The following CGNL1 variants were observed in gnomAD, a reference collection of about 807,000 sequenced individuals.
CGNL1 encodes cingulin like 1.
In CGNL1, 132 loss-of-function variants were observed where a neutral mutation model predicts 141.2. The ratio of observed to expected loss-of-function variants is 0.93; its 90% CI spans 0.81 to 1.08. The LOEUF (loss-of-function observed/expected upper bound fraction) is 1.08. Among genes scored for constraint, CGNL1 ranks in the 50% least tolerant of loss-of-function variants. CGNL1 has a pLI of 0.00. For missense variants in CGNL1, 1,870 were observed against 1,588.6 expected (o/e 1.18, Z -3.01); for synonymous variants, 690 against 622.1 (o/e 1.11, Z -1.63).
chr15:57,501,562 G>A (rs893437140), intron 8 of CGNL1, among the ~76,000 whole-genome samples: 6 of 152,226 alleles, frequency 3.9e-5, no homozygotes, highest in Non-Finnish European at 8.8e-5. Context: ...GCTGAGAGGT[G>A]GAGACGGGGT....
At chr15:57,472,887 G>A (rs1244432956) in intron 8 of CGNL1, among the ~76,000 whole-genome samples, 1 of 152,198 alleles carries the variant, frequency 6.6e-6, no homozygotes, top group African/African-American at 2.4e-5. Context: ...TTTATAATGG[G>A]TCAGCGGTGG....
At chr15:57,467,453 G>A (rs1266101676) in intron 8 of CGNL1, among the ~76,000 whole-genome samples, 1 of 152,104 alleles carries the variant, frequency 6.6e-6, no homozygotes, top group Non-Finnish European at 1.5e-5. Flanking sequence ...TGTCTGGGCT[G>A]GGCTTTGTGG....
In CGNL1 at chr15:57,439,357, G is replaced by A. The variant is rs774237699; in HGVS notation, c.1358G>A (p.Gly453Glu). Reference protein sequence around the residue: ...TFAKLQGAAHGASCAHSRPPQ... With the variant: ...TFAKLQGAAHEASCAHSRPPQ... ...GCAAAGCTGCAGGGAGCAGCGCACG[G>A]GGCTTCATGTGCCCACTCCAGGCCT... Residue 453 changes from glycine to glutamate, a missense_variant, in exon 2 of 19, where the codon GGG (glycine) becomes GAG (glutamate). Gly to Glu is a moderately conservative substitution (Grantham distance 98). Transcript: ENST00000281282. The A allele has an allele frequency of 1.9e-6, 3 of 1,614,008 alleles. No individual in the cohort carries two copies. Among genetic ancestry groups the A allele is most frequent in the East Asian group, 2.2e-5 (1 of 44,884 alleles).
At position 57,446,496 on chromosome 15, in the gene CGNL1, C is replaced by T. The variant is rs191975167; in HGVS notation, c.1803+4018C>T. 4.1e-4 allele frequency among the ~76,000 whole-genome samples: 63 copies of T among 151,920 alleles called. 1 individual carries two copies. Among genetic ancestry groups the T allele is most frequent in the African/African-American group, 1.3e-3 (52 of 41,414 alleles). The stretch of plus-strand genomic sequence containing the variant: ...ATTATAATAAGTATTCTCGTGTGTC[C>T]GGCTTCATTTCCTCAACATTATATC... On this transcript the variant is annotated intron_variant, in intron 4 of 18. Coordinates refer to ENST00000281282, the MANE Select transcript of CGNL1 (RefSeq NM_032866.5).
chr15:57,529,559 AACACACACACAC>A (rs10593466), intron 13 of CGNL1, among the ~76,000 whole-genome samples: 42,419 of 137,898 alleles, frequency 0.31, 7,373 homozygotes, highest in Non-Finnish European at 0.4. Flanking sequence ...AACCCCCAGA[AACACACACACAC>A]ACACACACAC....
chr15:57,540,340 A>AGGTGAATGAGAATGGCTGAAGGTGAAG (rs1174132786), intron 14 of CGNL1, among the ~76,000 whole-genome samples: 26 of 152,240 alleles, frequency 1.7e-4, no homozygotes, highest in Non-Finnish European at 3.2e-4. Flanking sequence ...GTGAATGAGA[A>AGGTGAATGAGAATGGCTGAAGGTGAAG]GCACAGTCAT....
At chr15:57,430,782 C>G (rs1360243452) in intron 1 of CGNL1, among the ~76,000 whole-genome samples, 10 of 152,154 alleles carry the variant, frequency 6.6e-5, no homozygotes, top group African/African-American at 2.4e-4. Context: ...TGCAGTGGTG[C>G]AATCTTGGCT....
At position 57,550,622 on chromosome 15, in the gene CGNL1, T is replaced by C. The variant is rs909443689; in HGVS notation, c.*3132T>C. ...TATGGTTTGGTCGCTTTGGTTGTCA[T>C]GAGAAAGAGACATTCTCCTTGCAGC... On this transcript the variant is annotated 3_prime_UTR_variant, in exon 19 of 19. Coordinates refer to ENST00000281282, the MANE Select transcript of CGNL1 (RefSeq NM_032866.5). The C allele has an allele frequency of 3.3e-5, 5 of 152,660 alleles. No homozygotes were observed. Among genetic ancestry groups the C allele is most frequent in the African/African-American group, 9.6e-5 (4 of 41,466 alleles). 9.5% of individuals were successfully genotyped at this position (152,660 alleles called of 1,614,324 possible). A position where few individuals can be genotyped will look rare whatever the true frequency, so the allele number is the denominator to read the frequency against.
chr15:57,442,938 G>T (rs2063208176), intron 4 of CGNL1, among the ~76,000 whole-genome samples: 1 of 152,126 alleles, frequency 6.6e-6, no homozygotes, highest in African/African-American at 2.4e-5. Context: ...CTTTTTTCCA[G>T]AAAAGTTTAA....
intron 1 of CGNL1, among the ~76,000 whole-genome samples, chr15:57,414,855 C>T (rs1303400104): frequency 6.6e-6 from 1 of 152,174 alleles, no homozygotes; most frequent in African/African-American, 2.4e-5. Context: ...CTGTTTGGCT[C>T]CTGAACTCTC....
chr15:57,545,661 G>A lies in CGNL1; in HGVS notation c.3570G>A (p.Val1190=). The change falls in exon 17 of 19, where the codon GTG becomes GTA. Residue 1190 remains valine, a synonymous_variant. Coordinates refer to ENST00000281282, the MANE Select transcript of CGNL1 (RefSeq NM_032866.5). ...AAGTGAAGGAGCTGGTGATGCAGGT[G>A]GATGATGAGCACCTGTCATTGACTG... ...ERKVKELVMQ[V]DDEHLSLTDQ... 6.2e-7 allele frequency: 1 copy of A among 1,613,692 alleles called. No homozygotes were observed. Among genetic ancestry groups the A allele is most frequent in the Non-Finnish European group, 8.5e-7 (1 of 1,179,908 alleles).
chr15:57,478,919 G>T (rs1424532653), intron 8 of CGNL1, among the ~76,000 whole-genome samples: 11 of 152,236 alleles, frequency 7.2e-5, no homozygotes, highest in Admixed American at 7.2e-4. Flanking sequence ...GATAGCAGGT[G>T]TGAGCTACAG....
At position 57,438,855 on chromosome 15, in the gene CGNL1, C is replaced by T. The variant is rs1295306806; in HGVS notation, c.856C>T (p.Pro286Ser). The T allele has an allele frequency of 1.2e-6, 2 of 1,614,104 alleles. No homozygotes were observed. The highest frequency in any genetic ancestry group is 1.7e-6 in the Non-Finnish European group (2 of 1,180,046). The stretch of plus-strand genomic sequence containing the variant: ...CTTCCGGCGACAGGATTCAGCGGGA[C>T]CCGTCCTGGATGGAGCTCGGTCCCG... ...LPFRRQDSAGPVLDGARSRRS... is the reference protein window; with the variant it reads ...LPFRRQDSAGSVLDGARSRRS... Residue 286 changes from proline (P) to serine (S), a missense_variant, in exon 2 of 19, where the codon CCC (proline) becomes TCC (serine). Pro to Ser is a moderately conservative substitution (Grantham distance 74). Coordinates refer to ENST00000281282, the MANE Select transcript of CGNL1 (RefSeq NM_032866.5).
chr15:57,416,599 A>G (rs750326432), intron 1 of CGNL1, among the ~76,000 whole-genome samples: 1 of 152,202 alleles, frequency 6.6e-6, no homozygotes, highest in South Asian at 2.1e-4. Flanking sequence ...AGGCCTCCAG[A>G]TTGGCATGCT....
intron 1 of CGNL1, among the ~76,000 whole-genome samples, chr15:57,409,767 C>G (rs937795218): frequency 6.6e-6 from 1 of 152,122 alleles, no homozygotes; most frequent in Admixed American, 6.5e-5. Flanking sequence ...CATTTAGAAG[C>G]TGCTAAAACA....
At chr15:57,481,590 T>C (rs537537231) in intron 8 of CGNL1, among the ~76,000 whole-genome samples, 17 of 152,352 alleles carry the variant, frequency 1.1e-4, no homozygotes, top group African/African-American at 3.1e-4. Context: ...CATTCACTCA[T>C]TGAAGGACTT....
intron 7 of CGNL1, among the ~76,000 whole-genome samples, chr15:57,457,391 A>T (rs2063392621): frequency 1.3e-5 from 2 of 151,934 alleles, no homozygotes; most frequent in South Asian, 4.2e-4. Flanking sequence ...TTTCTCTCAG[A>T]TCTCCTTCTA....
intron 1 of CGNL1, among the ~76,000 whole-genome samples, chr15:57,394,881 A>G (rs147894170): frequency 0.06 from 9,185 of 152,222 alleles, 516 homozygotes; most frequent in African/African-American, 0.14. Context: ...GGAGGCTGAG[A>G]TGGGAGGCTC....
At chr15:57,391,878 A>G (rs372672036) in intron 1 of CGNL1, among the ~76,000 whole-genome samples, 6 of 152,136 alleles carry the variant, frequency 3.9e-5, no homozygotes, top group African/African-American at 1.4e-4. Context: ...GTCCACAGGC[A>G]GGAAAAGAGG....
Sources: allele counts gnomAD v4.1 joint callset (sites outside exome capture counted in the v4.1 genomes callset), GRCh38; gene constraint gnomAD v4.1.1; transcripts MANE v1.5; gene names NCBI Gene and HGNC (gene_info 2026-07-23, HGNC 2026-07-21).